TMEM53: variants seen among roughly 807,000 people sequenced by gnomAD.
TMEM53 encodes the protein transmembrane protein 53.
In TMEM53, 14 loss-of-function variants were observed where a neutral mutation model predicts 21.4. The observed-to-expected ratio is 0.65, with a 90% CI of 0.43 to 1.02. The LOEUF (loss-of-function observed/expected upper bound fraction) is 1.02. Among genes scored for constraint, TMEM53 ranks in the 50% least tolerant of loss-of-function variants. TMEM53 has a pLI of 0.00. For synonymous variants in TMEM53, 148 were observed against 157.4 expected (o/e 0.94, Z 0.45); for missense variants, 323 against 383.6 (o/e 0.84, Z 1.32).
chr1:44,671,746 T>G (rs530401264), intron 1 of TMEM53, among the ~76,000 whole-genome samples: 1 of 152,210 alleles, frequency 6.6e-6, no homozygotes, highest in South Asian at 2.1e-4. Flanking sequence ...CTAACCAATA[T>G]GGTGAAACCT....
chr1:44,670,617 C>T (rs1048771974), intron 1 of TMEM53, among the ~76,000 whole-genome samples: 47 of 152,290 alleles, frequency 3.1e-4, no homozygotes, highest in African/African-American at 1.1e-3. Flanking sequence ...TCCTGGGTGT[C>T]CGAGACAACT....
chr1:44,672,596 C>A lies in TMEM53; in HGVS notation c.61+1735G>T, dbSNP rs76611079. 3.9e-3 allele frequency among the ~76,000 whole-genome samples: 591 copies of A among 152,268 alleles called. 2 individuals carry two copies. Among genetic ancestry groups the A allele is most frequent in the African/African-American group, 0.014 (578 of 41,538 alleles). On this transcript the variant is annotated intron_variant, in intron 1 of 2. Transcript: ENST00000372237. ...CTAGAATGTTTGGGCAGAAGCATCG[C>A]CCCAGGGAAGGGTCTGCTAGCAATG...
At chr1:44,657,318 CT>C (rs1375720610) in intron 2 of TMEM53, among the ~76,000 whole-genome samples, 1 of 152,094 alleles carries the variant, frequency 6.6e-6, no homozygotes, top group Non-Finnish European at 1.5e-5. Flanking sequence ...GTAAAGGATG[CT>C]TTAGGGACAA....
At chr1:44,671,816 C>G (rs555178824) in intron 1 of TMEM53, among the ~76,000 whole-genome samples, 70 of 152,276 alleles carry the variant, frequency 4.6e-4, no homozygotes, top group Admixed American at 9.2e-4. Context: ...GTAGTCCCAG[C>G]TACTTGGGAG....
At chr1:44,657,601 G>A (rs1009334402) in intron 2 of TMEM53, among the ~76,000 whole-genome samples, 9 of 152,104 alleles carry the variant, frequency 5.9e-5, no homozygotes, top group Non-Finnish European at 8.8e-5. Flanking sequence ...GTAGTGGCAC[G>A]ATCACAGCTC....
chr1:44,665,699 T>A (rs1644943387), intron 1 of TMEM53, among the ~76,000 whole-genome samples: 1 of 150,140 alleles, frequency 6.7e-6, no homozygotes. Context: ...AGAAAAACGT[T>A]AAATCATGGA....
intron 1 of TMEM53, chr1:44,673,929 C>T (rs943885282): frequency 1.0e-6 from 1 of 985,310 alleles, no homozygotes; most frequent in Non-Finnish European, 1.2e-6. Flanking sequence ...CGAGCCTCCC[C>T]CTCCACGCCT....
chr1:44,660,735 A>G (rs955982858), intron 1 of TMEM53, among the ~76,000 whole-genome samples: 3 of 152,046 alleles, frequency 2.0e-5, no homozygotes, highest in African/African-American at 7.2e-5. Flanking sequence ...CTGTAATCCC[A>G]GCACTTTGGG....
At position 44,654,332 on chromosome 1, in the gene TMEM53, C is replaced by T; in HGVS notation, c.*227G>A. On this transcript the variant is annotated 3_prime_UTR_variant, in exon 3 of 3. Coordinates refer to ENST00000372237, the MANE Select transcript of TMEM53 (RefSeq NM_024587.4). This position sits in a 1 kb window ranked among gnomAD's most constrained non-coding sequence, Gnocchi z 7.0. ...CAAACACAACTGACTGCAAGGCTCC[C>T]ACAGACACATGCCCAGGCACTCCTG... The T allele has an allele frequency of 1.8e-6, 1 of 555,268 alleles. No individual in the cohort carries two copies. Among genetic ancestry groups the T allele is most frequent in the Non-Finnish European group, 3.2e-6 (1 of 313,396 alleles). The allele number at this position is 555,268 out of a possible 1,614,324, so 34.4% of individuals were successfully genotyped here. A position where few individuals can be genotyped will look rare whatever the true frequency, so the allele number is the denominator to read the frequency against.
chr1:44,671,924 A>G (rs1018688289), intron 1 of TMEM53, among the ~76,000 whole-genome samples: 1 of 152,164 alleles, frequency 6.6e-6, no homozygotes, highest in Non-Finnish European at 1.5e-5. Flanking sequence ...GTTAGACTCC[A>G]CCTCAAAAAA....
At chr1:44,662,732 T>G (rs1447213428) in intron 1 of TMEM53, among the ~76,000 whole-genome samples, 1 of 148,924 alleles carries the variant, frequency 6.7e-6, no homozygotes, top group East Asian at 2.0e-4. Context: ...AGCAAAGGGC[T>G]TTGGGATTTA....
chr1:44,660,064 G>A, intron 2 of TMEM53, 110 bp downstream of exon 2: 1 of 1,361,394 alleles, frequency 7.3e-7, no homozygotes, highest in Non-Finnish European at 1.0e-6. Flanking sequence ...GACCATGTTG[G>A]CCAGGCTGGT....
chr1:44,659,128 G>A (rs1467310234), intron 2 of TMEM53, among the ~76,000 whole-genome samples: 2 of 152,202 alleles, frequency 1.3e-5, no homozygotes, highest in Non-Finnish European at 2.9e-5. Flanking sequence ...GGAGGTCGGG[G>A]AGAGACTTCA....
At chr1:44,662,887 C>A (rs1433099902) in intron 1 of TMEM53, among the ~76,000 whole-genome samples, 1 of 152,192 alleles carries the variant, frequency 6.6e-6, no homozygotes, top group Non-Finnish European at 1.5e-5. Flanking sequence ...ACTGCCCCTC[C>A]TCCTGAGGCT....
chr1:44,660,497 G>A (rs1354720107), intron 1 of TMEM53, among the ~76,000 whole-genome samples: 4 of 152,140 alleles, frequency 2.6e-5, no homozygotes, highest in South Asian at 2.1e-4. Flanking sequence ...TGGGGTCACC[G>A]GACAAACCAA....
At chr1:44,667,144 G>A (rs770734943) in intron 1 of TMEM53, among the ~76,000 whole-genome samples, 5 of 149,320 alleles carry the variant, frequency 3.3e-5, no homozygotes, top group African/African-American at 4.9e-5. Context: ...CGCCTGGCCA[G>A]AAGTACATTT....
intron 1 of TMEM53, among the ~76,000 whole-genome samples, chr1:44,660,835 T>G (rs141683342): frequency 0.016 from 2,365 of 151,300 alleles, 82 homozygotes; most frequent in Admixed American, 0.066. Flanking sequence ...TAGCCGTGCG[T>G]GGTGGCAGGT....
intron 1 of TMEM53, among the ~76,000 whole-genome samples, chr1:44,662,963 C>G (rs1573225803): frequency 6.6e-6 from 1 of 152,220 alleles, no homozygotes; most frequent in Non-Finnish European, 1.5e-5. Context: ...TGACTCTTCA[C>G]CCTCCATGAA....
chr1:44,666,347 A>G (rs915319666), intron 1 of TMEM53, among the ~76,000 whole-genome samples: 2 of 152,254 alleles, frequency 1.3e-5, no homozygotes, highest in East Asian at 1.9e-4. Flanking sequence ...ATGTAGAGTT[A>G]CCACATGATC....
Sources: gnomAD v4.1 joint callset for allele counts (sites outside exome capture counted in the v4.1 genomes callset) on GRCh38, gnomAD v4.1.1 for gene constraint, Gnocchi (gnomAD v3.1) non-coding constraint, MANE v1.5 for transcripts, NCBI Gene and HGNC (gene_info 2026-07-23, HGNC 2026-07-21) for gene names.